ASTN2: variants seen among roughly 807,000 people sequenced by gnomAD.
The protein encoded by ASTN2 is astrotactin 2.
ASTN2 carries 54 observed loss-of-function variants against 139.8 expected under a neutral mutation model. The observed-to-expected ratio is 0.39, with a 90% confidence interval of 0.31 to 0.48. The LOEUF (loss-of-function observed/expected upper bound fraction) is 0.48, where lower values mean the gene tolerates loss of function less well. Among genes scored for constraint, ASTN2 ranks in the 20% least tolerant of loss-of-function variants. ASTN2 has a pLI of 0.95. For missense variants in ASTN2, 1,565 were observed against 1,725.1 expected (o/e 0.91, Z 1.64); for synonymous variants, 756 against 719.5 (o/e 1.05, Z -0.81).
At position 117,314,210 on chromosome 9, in the gene ASTN2, C is replaced by A. The variant is rs182982081; in HGVS notation, c.443-22697G>T. 2.6e-5 allele frequency among the ~76,000 whole-genome samples: 4 copies of A among 152,268 alleles called. No homozygotes were observed. The East Asian group carries it at 7.7e-4, about 29-fold the overall frequency. On this transcript the variant is annotated intron_variant, in intron 1 of 22. Coordinates refer to ENST00000313400, the MANE Select transcript of ASTN2 (RefSeq NM_001365068.1). ...TCCGTTTCACTCACAGGTAGACACA[C>A]ACAGAGTTAACCTCCCCACCCCCAC...
intron 19 of ASTN2, among the ~76,000 whole-genome samples, chr9:116,561,650 T>TGTTG (rs1852919754): frequency 2.6e-5 from 4 of 152,176 alleles, no homozygotes; most frequent in African/African-American, 9.7e-5. Flanking sequence ...TAAAGGAGCC[T>TGTTG]GTTGGAGTCT....
At chr9:117,384,742 T>C (rs1830354222) in intron 1 of ASTN2, among the ~76,000 whole-genome samples, 1 of 152,162 alleles carries the variant, frequency 6.6e-6, no homozygotes, top group African/African-American at 2.4e-5. Context: ...TTTTGTCAAA[T>C]TGTACTTTGG....
At chr9:117,124,810 A>G (rs1344865567) in intron 4 of ASTN2, among the ~76,000 whole-genome samples, 2 of 64,524 alleles carry the variant, frequency 3.1e-5, no homozygotes, top group Non-Finnish European at 9.1e-5. Context: ...GCCACCATGA[A>G]AAAAAAAAAA....
At chr9:116,833,977 A>AC (rs2132289646) in intron 11 of ASTN2, among the ~76,000 whole-genome samples, 1 of 4,282 alleles carries the variant, frequency 2.3e-4, no homozygotes, top group Non-Finnish European at 4.0e-4. Context: ...GAATTTCACC[A>AC]AAAAACGAAT....
At chr9:116,618,980 C>A (rs1239211187) in intron 18 of ASTN2, among the ~76,000 whole-genome samples, 1 of 151,956 alleles carries the variant, frequency 6.6e-6, no homozygotes, top group Non-Finnish European at 1.5e-5. Flanking sequence ...AAGGTTAGAA[C>A]TAGAATGGTC....
chr9:117,198,038 G>A (rs1207905119), intron 3 of ASTN2, among the ~76,000 whole-genome samples: 1 of 151,832 alleles, frequency 6.6e-6, no homozygotes, highest in East Asian at 1.9e-4. Flanking sequence ...AATAAAATGT[G>A]CCTATGTAGT....
intron 20 of ASTN2, among the ~76,000 whole-genome samples, chr9:116,455,355 A>C (rs1277767649): frequency 6.6e-6 from 1 of 151,140 alleles, no homozygotes; most frequent in Non-Finnish European, 1.5e-5. Context: ...TCTCAAAAAA[A>C]AAAAAAAAAA....
chr9:116,579,736 A>G (rs1032119035), intron 19 of ASTN2, among the ~76,000 whole-genome samples: 1 of 152,190 alleles, frequency 6.6e-6, no homozygotes, highest in Non-Finnish European at 1.5e-5. Context: ...ATAAATACAT[A>G]AAATAAAATA....
chr9:116,496,529 C>A (rs2119120016), intron 19 of ASTN2, among the ~76,000 whole-genome samples: 1 of 152,196 alleles, frequency 6.6e-6, no homozygotes, highest in South Asian at 2.1e-4. Flanking sequence ...ATGATGGGAC[C>A]TAATTCTGCA....
chr9:117,109,092 C>T (rs1829181748), intron 4 of ASTN2, among the ~76,000 whole-genome samples: 1 of 151,974 alleles, frequency 6.6e-6, no homozygotes. Context: ...TGCAGCCTGG[C>T]TAACATAGTG....
At chr9:117,028,568 G>A (rs1432750087) in intron 6 of ASTN2, among the ~76,000 whole-genome samples, 5 of 151,916 alleles carry the variant, frequency 3.3e-5, no homozygotes, top group East Asian at 1.9e-4. Context: ...GGGAAGCTGC[G>A]GAGGGGCCAG....
At chr9:116,471,558 G>C (rs184000514) in intron 20 of ASTN2, among the ~76,000 whole-genome samples, 2 of 152,090 alleles carry the variant, frequency 1.3e-5, no homozygotes, top group East Asian at 1.9e-4. Flanking sequence ...TTCATTTCTG[G>C]CATCCCGGGG....
At chr9:116,957,614 T>G (rs1171529968) in intron 10 of ASTN2, among the ~76,000 whole-genome samples, 2 of 152,258 alleles carry the variant, frequency 1.3e-5, no homozygotes, top group African/African-American at 2.4e-5. Context: ...TCAGTTATTT[T>G]GTACGGTGCC....
intron 16 of ASTN2, among the ~76,000 whole-genome samples, chr9:116,696,510 C>T (rs998275846): frequency 2.0e-5 from 3 of 152,074 alleles, no homozygotes; most frequent in Non-Finnish European, 4.4e-5. Flanking sequence ...AAGGTTGTGC[C>T]TTTTGCCCAC....
intron 10 of ASTN2, among the ~76,000 whole-genome samples, chr9:116,930,915 T>C (rs1834878544): frequency 6.6e-6 from 1 of 151,866 alleles, no homozygotes; most frequent in Non-Finnish European, 1.5e-5. Context: ...ACTCATTATC[T>C]TCTCCCTCTC....
At chr9:116,902,130 A>C (rs1345074915) in intron 10 of ASTN2, among the ~76,000 whole-genome samples, 1 of 152,226 alleles carries the variant, frequency 6.6e-6, no homozygotes, top group Non-Finnish European at 1.5e-5. Context: ...GAGGTATTTC[A>C]GAAGAAGGCA....
chr9:116,930,363 A>G (rs1186409123), intron 10 of ASTN2, among the ~76,000 whole-genome samples: 1 of 152,014 alleles, frequency 6.6e-6, no homozygotes, highest in Non-Finnish European at 1.5e-5. Flanking sequence ...GCTCCAGAAG[A>G]TGTTTTGAAT....
chr9:116,805,877 G>A, intron 12 of ASTN2, 57 bp from the exon 13 acceptor site: 1 of 1,565,752 alleles, frequency 6.4e-7, no homozygotes, highest in Non-Finnish European at 8.7e-7. Flanking sequence ...CCCCATTGGG[G>A]GTGACCTAAA....
chr9:117,143,436 C>A (rs1830120960), intron 3 of ASTN2, among the ~76,000 whole-genome samples: 1 of 152,162 alleles, frequency 6.6e-6, no homozygotes, highest in Non-Finnish European at 1.5e-5. Flanking sequence ...ATACTTTGGT[C>A]AAAAGTCCAG....
Sources: allele counts gnomAD v4.1 joint callset (sites outside exome capture counted in the v4.1 genomes callset), GRCh38; gene constraint gnomAD v4.1.1; transcripts MANE v1.5; gene names NCBI Gene and HGNC (gene_info 2026-07-23, HGNC 2026-07-21).